BMPR2: variants seen among roughly 807,000 people sequenced by gnomAD.
BMPR2 encodes the protein bone morphogenetic protein receptor type-2.
Under a neutral mutation model 100.8 loss-of-function variants are expected in BMPR2, and 29 were observed. The observed-to-expected ratio is 0.29, with a 90% CI of 0.21 to 0.39. BMPR2 has a LOEUF of 0.39. Ranked by LOEUF, BMPR2 falls within the 10% of genes least tolerant of loss-of-function variation. The pLI, the probability that BMPR2 is intolerant of heterozygous loss-of-function variation, is 1.00. For missense variants in BMPR2, 1,011 were observed against 1,274.5 expected (o/e 0.79, Z 3.15); for synonymous variants, 382 against 442.3 (o/e 0.86, Z 1.71).
At chr2:202,514,801 CTTT>C (rs1225139686) in intron 4 of BMPR2, 84 bp from the exon 5 acceptor site, 1 of 1,096,632 alleles carries the variant, frequency 9.1e-7, no homozygotes, top group East Asian at 2.6e-5. Flanking sequence ...TGCAGCTCTT[CTTT>C]TTAAGTGTAA....
intron 1 of BMPR2, among the ~76,000 whole-genome samples, chr2:202,461,870 G>A (rs1483172293): frequency 6.6e-6 from 1 of 151,862 alleles, no homozygotes; most frequent in Non-Finnish European, 1.5e-5. Context: ...CTTTTTAAAG[G>A]TAAGAAATCG....
Position 202,555,875 on chromosome 2 carries a change from T to C in BMPR2, c.2210T>C (p.Val737Ala), listed in dbSNP as rs372608878. Reference sequence around the variant, plus strand: ...GGCCAAGCATGTTTGATTCCTGATGTTCTGCCTACTCAGATCTATCCTCTC... The same window carrying C: ...GGCCAAGCATGTTTGATTCCTGATGCTCTGCCTACTCAGATCTATCCTCTC... ...ANGQACLIPD[V>A]LPTQIYPLPK... The change falls in exon 12 of 13, where the codon GTT (valine) becomes GCT (alanine). Residue 737 changes from valine (V) to alanine (A), a missense_variant. By Grantham distance (64) the Val-to-Ala change is moderately conservative (BLOSUM62 0). This residue lies in a region of BMPR2 where 508 missense variants were observed against 552.0 expected (regional missense o/e 0.92). Coordinates refer to ENST00000374580, the MANE Select transcript of BMPR2 (RefSeq NM_001204.7). The C allele has an allele frequency of 7.4e-6, 12 of 1,614,092 alleles. No homozygotes were observed. The highest frequency in any genetic ancestry group is 1.0e-5 in the Non-Finnish European group (12 of 1,180,056).
At chr2:202,486,483 C>G (rs1426097857) in intron 3 of BMPR2, among the ~76,000 whole-genome samples, 1 of 151,950 alleles carries the variant, frequency 6.6e-6, no homozygotes, top group African/African-American at 2.4e-5. Context: ...TACAAAAAAA[C>G]TTAGCCTGCC....
chr2:202,376,632 C>G lies in BMPR2; in HGVS notation c.-843C>G, dbSNP rs1690151936. 6.9e-6 allele frequency among the ~76,000 whole-genome samples: 1 copy of G among 145,028 alleles called. No individual in the cohort carries two copies. The highest frequency in any genetic ancestry group is 1.5e-5 in the Non-Finnish European group (1 of 66,240). On this transcript the variant is annotated 5_prime_UTR_variant, in exon 1 of 13. Transcript: ENST00000374580. Reference sequence around the variant, plus strand: ...GAGGAGGCTTTCTTGGTGGAATTTACCTCAGGCAAGATCGAGCCGCAGGAA... The same window carrying G: ...GAGGAGGCTTTCTTGGTGGAATTTAGCTCAGGCAAGATCGAGCCGCAGGAA...
At chr2:202,422,046 T>C (rs1328763341) in intron 1 of BMPR2, among the ~76,000 whole-genome samples, 38 of 150,174 alleles carry the variant, frequency 2.5e-4, no homozygotes, top group Non-Finnish European at 4.3e-4. Context: ...GTAGCTGGGA[T>C]AACAGGCACA....
chr2:202,563,276 A>G lies in BMPR2; in HGVS notation c.*3330A>G, dbSNP rs1443569158. Reference sequence around the variant, plus strand: ...GTGAAACCCCGTCTCTATTAAAAATATTTTTTAAAAATTAACTGAGCGTGG... The same window carrying G: ...GTGAAACCCCGTCTCTATTAAAAATGTTTTTTAAAAATTAACTGAGCGTGG... On this transcript the variant is annotated 3_prime_UTR_variant, in exon 13 of 13. Coordinates refer to ENST00000374580, the MANE Select transcript of BMPR2 (RefSeq NM_001204.7). 1 of 152,164 alleles carries G rather than the reference A, an allele frequency of 6.6e-6. No homozygotes were observed. Among genetic ancestry groups the G allele is most frequent in the Non-Finnish European group, 1.5e-5 (1 of 68,030 alleles). The allele number at this position is 152,164 out of a possible 1,614,324, so 9.4% of individuals were successfully genotyped here.
rs1254596703 is a variant in BMPR2 at position 202,565,837 on chromosome 2, G to A, written c.*5891G>A. The A allele has an allele frequency of 6.6e-6, 1 of 152,148 alleles. No homozygotes were observed. Among genetic ancestry groups the A allele is most frequent in the African/African-American group, 2.4e-5 (1 of 41,446 alleles). 9.4% of individuals were successfully genotyped at this position (152,148 alleles called of 1,614,324 possible). ...TTTAGGTGACTGATTTAAGTTGAGT[G>A]TGCATATAGAGAAAAACCTAGAAAT... On this transcript the variant is annotated 3_prime_UTR_variant, in exon 13 of 13. Transcript: ENST00000374580.
rs1298037019 is a variant in BMPR2 at position 202,564,571 on chromosome 2, A to G, written c.*4625A>G. 1.3e-5 allele frequency: 2 copies of G among 152,214 alleles called. No individual in the cohort carries two copies. Among genetic ancestry groups the G allele is most frequent in the East Asian group, 3.8e-4 (2 of 5,200 alleles). 9.4% of individuals were successfully genotyped at this position (152,214 alleles called of 1,614,324 possible). On this transcript the variant is annotated 3_prime_UTR_variant, in exon 13 of 13. Coordinates refer to ENST00000374580, the MANE Select transcript of BMPR2 (RefSeq NM_001204.7). The stretch of plus-strand genomic sequence containing the variant: ...AACTGTGCAAACTTTACCCAAAACT[A>G]TCTTGCATGATTCCCTCCTAAATAT...
rs748943218 is a variant in BMPR2, at chr2:202,377,549, T to A, written c.75T>A (p.Ala25=). The stretch of plus-strand genomic sequence containing the variant: ...CCATCCTGCTGGTCAGCACTGCGGC[T>A]GGTGAGTAGCTCCGGCCGGCACGTC... ...PWTILLVSTA[A]ASQNQERLCA... Residue 25 remains alanine (A), a splice_region_variant and synonymous_variant, in exon 1 of 13, where the codon GCT becomes GCA. Coordinates refer to ENST00000374580, the MANE Select transcript of BMPR2 (RefSeq NM_001204.7). 2 of 1,614,106 alleles carry A rather than the reference T, an allele frequency of 1.2e-6. No homozygotes were observed. The highest frequency in any genetic ancestry group is 3.3e-5 in the Admixed American group (2 of 60,024).
intron 1 of BMPR2, among the ~76,000 whole-genome samples, chr2:202,417,882 C>G (rs1691169903): frequency 6.6e-6 from 1 of 151,854 alleles, no homozygotes; most frequent in Non-Finnish European, 1.5e-5. Context: ...CCACGCCCGG[C>G]TAATTTTTTG....
At chr2:202,531,771 A>G (rs1300923994) in intron 8 of BMPR2, among the ~76,000 whole-genome samples, 1 of 151,966 alleles carries the variant, frequency 6.6e-6, no homozygotes, top group Non-Finnish European at 1.5e-5. Flanking sequence ...AGCTGGCATT[A>G]TAGGCATGTA....
chr2:202,389,590 T>G (rs996704472), intron 1 of BMPR2, among the ~76,000 whole-genome samples: 1 of 152,090 alleles, frequency 6.6e-6, no homozygotes, highest in African/African-American at 2.4e-5. Flanking sequence ...TAAAAAACTT[T>G]TTGTTATTTA....
intron 3 of BMPR2, among the ~76,000 whole-genome samples, chr2:202,510,255 A>G (rs748716240): frequency 1.3e-5 from 2 of 152,166 alleles, no homozygotes; most frequent in Non-Finnish European, 2.9e-5. Context: ...TGTCTGTACT[A>G]AAAAATACAA....
At chr2:202,399,244 A>G (rs186581812) in intron 1 of BMPR2, among the ~76,000 whole-genome samples, 220 of 152,374 alleles carry the variant, frequency 1.4e-3, no homozygotes, top group Non-Finnish European at 2.5e-3. Flanking sequence ...GGCCACTCAC[A>G]TTAGATAAAG....
intron 7 of BMPR2, among the ~76,000 whole-genome samples, chr2:202,523,659 C>G (rs1687857316): frequency 6.6e-6 from 1 of 151,976 alleles, no homozygotes; most frequent in African/African-American, 2.4e-5. Flanking sequence ...ACAAAATTAG[C>G]CGGGGGTGGT....
chr2:202,434,546 T>C (rs1380097509), intron 1 of BMPR2, among the ~76,000 whole-genome samples: 2 of 150,264 alleles, frequency 1.3e-5, no homozygotes, highest in Non-Finnish European at 1.5e-5. Context: ...CAAGGGCAAT[T>C]TTTAAAGAGT....
In BMPR2 at chr2:202,518,920, T is replaced by C. The variant is rs1254171566; in HGVS notation, c.720T>C (p.Phe240=). Residue 240 remains phenylalanine (F), a synonymous_variant, in exon 6 of 13, where the codon TTT becomes TTC. Transcript: ENST00000374580. ...TTTCCTTTGCAAACCGTCAGAATTTTATCAACGAAAAGAACATTTACAGAG... is the reference window on the plus strand; with the variant it reads ...TTTCCTTTGCAAACCGTCAGAATTTCATCAACGAAAAGAACATTTACAGAG... ...KVFSFANRQN[F]INEKNIYRVP... is the part of the protein sequence containing the mutation. 5 of 1,614,240 alleles carry C rather than the reference T, an allele frequency of 3.1e-6. No individual in the cohort carries two copies. Among genetic ancestry groups the C allele is most frequent in the Non-Finnish European group, 4.2e-6 (5 of 1,180,044 alleles).
intron 10 of BMPR2, among the ~76,000 whole-genome samples, chr2:202,544,182 G>T (rs748312054): frequency 1.3e-5 from 2 of 152,046 alleles, no homozygotes; most frequent in Non-Finnish European, 2.9e-5. Flanking sequence ...ATCATCAAAT[G>T]ATTTCTTTTT....
rs201940669 is a variant in BMPR2, at chr2:202,377,455, G to A, written c.-20G>A. ...CCATATTTCTTTTCTTTGCCCTCCTGATTCTTGGCTGGCCCAGGGATGACT... is the reference window on the plus strand; with the variant it reads ...CCATATTTCTTTTCTTTGCCCTCCTAATTCTTGGCTGGCCCAGGGATGACT... On this transcript the variant is annotated 5_prime_UTR_variant, in exon 1 of 13. Coordinates refer to ENST00000374580, the MANE Select transcript of BMPR2 (RefSeq NM_001204.7). 1 of 1,614,028 alleles carries A rather than the reference G, an allele frequency of 6.2e-7. No homozygotes were observed. Among genetic ancestry groups the A allele is most frequent in the Non-Finnish European group, 8.5e-7 (1 of 1,179,840 alleles).
Sources: allele counts gnomAD v4.1 joint callset (sites outside exome capture counted in the v4.1 genomes callset), GRCh38; gene constraint gnomAD v4.1.1; regional missense constraint gnomAD v4.1.1; transcripts MANE v1.5; gene names NCBI Gene and HGNC (gene_info 2026-07-23, HGNC 2026-07-21).